The following YTHDC2 variants were observed in gnomAD, a reference collection of about 807,000 sequenced individuals.
YTHDC2 encodes the protein 3'-5' RNA helicase YTHDC2.
Under a neutral mutation model 174.9 loss-of-function variants are expected in YTHDC2, and 45 were observed. That is an observed-to-expected ratio of 0.26 (90% CI 0.20 to 0.33). The LOEUF (loss-of-function observed/expected upper bound fraction) is 0.33. YTHDC2 is among the 10% of genes least tolerant of loss of function. The pLI is 1.00. For missense variants in YTHDC2, 1,650 were observed against 1,723.7 expected (o/e 0.96, Z 0.76); for synonymous variants, 657 against 574.5 (o/e 1.14, Z -2.05).
At chr5:113,588,892 T>C (rs1778836126) in intron 26 of YTHDC2, among the ~76,000 whole-genome samples, 1 of 152,076 alleles carries the variant, frequency 6.6e-6, no homozygotes, top group Admixed American at 6.6e-5. Flanking sequence ...CCCAAAGTGC[T>C]GGGATTGCAC....
intron 5 of YTHDC2, 117 bp from the exon 6 acceptor site, chr5:113,534,188 G>A (rs1173846167): frequency 1.8e-5 from 13 of 741,420 alleles, no homozygotes; most frequent in African/African-American, 1.4e-4. Flanking sequence ...TGTACATACC[G>A]GTACACTATT....
At position 113,542,522 on chromosome 5, in the gene YTHDC2, T is replaced by A. The variant is rs1435365869; in HGVS notation, c.1495+19T>A. The A allele has an allele frequency of 2.5e-6, 4 of 1,584,048 alleles. No individual in the cohort carries two copies. The highest frequency in any genetic ancestry group is 1.2e-5 in the South Asian group (1 of 84,682). On this transcript the variant is annotated intron_variant, in intron 10 of 29. Coordinates refer to ENST00000161863, the MANE Select transcript of YTHDC2 (RefSeq NM_022828.5). Reference sequence around the variant, plus strand: ...GTTAGTGGTAAGTTTATTTTAATTTTAAAAAATTACCCTTACAGTTATTTA... The same window carrying A: ...GTTAGTGGTAAGTTTATTTTAATTTAAAAAAATTACCCTTACAGTTATTTA...
chr5:113,522,474 G>T (rs954075204), intron 2 of YTHDC2, among the ~76,000 whole-genome samples: 10 of 152,024 alleles, frequency 6.6e-5, no homozygotes, highest in Non-Finnish European at 1.0e-4. Context: ...GCTCTCAACT[G>T]TAATTTTATT....
intron 16 of YTHDC2, 67 bp from the exon 17 acceptor site, chr5:113,555,985 A>G (rs1776578846): frequency 5.4e-6 from 5 of 927,804 alleles, no homozygotes; most frequent in Non-Finnish European, 8.2e-6. Flanking sequence ...ATATGTTGAT[A>G]ACATTCTTGC....
At chr5:113,570,937 GC>G (rs1322971067) in intron 23 of YTHDC2, among the ~76,000 whole-genome samples, 1 of 152,160 alleles carries the variant, frequency 6.6e-6, no homozygotes, top group Non-Finnish European at 1.5e-5. Flanking sequence ...ATAGGCATGA[GC>G]CACTGCACCC....
chr5:113,594,947 G>A lies in YTHDC2; in HGVS notation c.*1473G>A, dbSNP rs1339143970. 2.6e-5 allele frequency: 4 copies of A among 151,926 alleles called. No individual in the cohort carries two copies. Among genetic ancestry groups the A allele is most frequent in the South Asian group, 2.1e-4 (1 of 4,824 alleles). 9.4% of individuals were successfully genotyped at this position (151,926 alleles called of 1,614,324 possible). A position where few individuals can be genotyped will look rare whatever the true frequency, so the allele number is the denominator to read the frequency against. On this transcript the variant is annotated 3_prime_UTR_variant, in exon 30 of 30. Transcript: ENST00000161863. Reference sequence around the variant, plus strand: ...CTATAGTTCTAGTTATTAGCTTTGGGGTTTTCTTGTACTTTAAGACATACC... The same window carrying A: ...CTATAGTTCTAGTTATTAGCTTTGGAGTTTTCTTGTACTTTAAGACATACC...
At chr5:113,514,151 C>G (rs910721568) in intron 1 of YTHDC2, 69 bp downstream of exon 1, 58 of 1,537,396 alleles carry the variant, frequency 3.8e-5, no homozygotes, top group Non-Finnish European at 4.8e-5. Context: ...CCCCAAACGG[C>G]GGCCCACCGA....
chr5:113,520,528 A>T (rs535685564), intron 2 of YTHDC2, among the ~76,000 whole-genome samples: 1 of 151,080 alleles, frequency 6.6e-6, no homozygotes, highest in African/African-American at 2.4e-5. Context: ...AATGAGAAGG[A>T]GTCAGCATTC....
chr5:113,584,151 T>C lies in YTHDC2; in HGVS notation c.3648-151T>C, dbSNP rs1778546245. ...CATAGACATCTATATTTCCTGACCT[T>C]AGTATTTTTAAATAATATTCCATAA... is the stretch of plus-strand genomic sequence containing the variant. On this transcript the variant is annotated intron_variant, in intron 25 of 29. Transcript: ENST00000161863. 21 of 606,882 alleles carry C rather than the reference T, an allele frequency of 3.5e-5. No homozygotes were observed. In the East Asian group the frequency reaches 6.1e-4, roughly 17 times the overall value. The allele number at this position is 606,882 out of a possible 1,614,324, so 37.6% of individuals were successfully genotyped here. A position where few individuals can be genotyped will look rare whatever the true frequency, so the allele number is the denominator to read the frequency against.
chr5:113,580,048 CTA>C, intron 24 of YTHDC2: 1 of 478,608 alleles, frequency 2.1e-6, no homozygotes, highest in Non-Finnish European at 2.7e-6. Context: ...ACCCTGCCTC[CTA>C]TAGAGTGGAG....
At chr5:113,538,356 T>C (rs1224715737) in intron 7 of YTHDC2, among the ~76,000 whole-genome samples, 1 of 152,134 alleles carries the variant, frequency 6.6e-6, no homozygotes, top group Non-Finnish European at 1.5e-5. Context: ...TTGAATGACT[T>C]TTACCTCAGG....
chr5:113,520,197 A>G (rs1039772924), intron 2 of YTHDC2, among the ~76,000 whole-genome samples: 2 of 152,278 alleles, frequency 1.3e-5, no homozygotes, highest in Admixed American at 1.3e-4. Flanking sequence ...GATGGTTTCC[A>G]GCTTCATCGA....
chr5:113,537,813 C>T (rs1775186019), intron 7 of YTHDC2, among the ~76,000 whole-genome samples: 1 of 152,058 alleles, frequency 6.6e-6, no homozygotes, highest in South Asian at 2.1e-4. Flanking sequence ...CTTTTCTCTT[C>T]TTGTGTTACC....
chr5:113,534,874 C>A (rs1212476852), intron 6 of YTHDC2, among the ~76,000 whole-genome samples: 1 of 151,990 alleles, frequency 6.6e-6, no homozygotes, highest in Non-Finnish European at 1.5e-5. Flanking sequence ...GAGTTTACCC[C>A]TTTGTTAAGG....
chr5:113,586,262 T>A (rs1778675577), intron 26 of YTHDC2, among the ~76,000 whole-genome samples: 1 of 152,030 alleles, frequency 6.6e-6, no homozygotes, highest in African/African-American at 2.4e-5. Context: ...TTACTAATGA[T>A]GTTGAGCATC....
chr5:113,590,112 C>T (rs976055959), intron 26 of YTHDC2, among the ~76,000 whole-genome samples: 2 of 152,128 alleles, frequency 1.3e-5, no homozygotes, highest in Admixed American at 1.3e-4. Flanking sequence ...TTCTCTTCAG[C>T]CTTAATTATG....
chr5:113,513,867 C>G lies in YTHDC2; in HGVS notation c.-29C>G. The G allele has an allele frequency of 6.4e-7, 1 of 1,569,884 alleles. No individual in the cohort carries two copies. The highest frequency in any genetic ancestry group is 8.6e-7 in the Non-Finnish European group (1 of 1,162,568). On this transcript the variant is annotated 5_prime_UTR_variant, in exon 1 of 30. Transcript: ENST00000161863. ...TGTCAGCTAGCAGGCCTGGCCGCTC[C>G]CGTGCGGAGAGACCATCTCTTCAGG...
At chr5:113,514,169 G>C in intron 1 of YTHDC2, 87 bp downstream of exon 1, 2 of 1,493,222 alleles carry the variant, frequency 1.3e-6, no homozygotes, top group Non-Finnish European at 1.8e-6. Flanking sequence ...CGAGTGATGG[G>C]GGTGCCTCCG....
At chr5:113,514,131 C>A in intron 1 of YTHDC2, 49 bp downstream of exon 1, 1 of 1,562,756 alleles carries the variant, frequency 6.4e-7, no homozygotes, top group Non-Finnish European at 8.6e-7. Context: ...ACCCCCCTCA[C>A]CCCAGCGCCC....
Sources: allele counts gnomAD v4.1 joint callset (sites outside exome capture counted in the v4.1 genomes callset), GRCh38; gene constraint gnomAD v4.1.1; transcripts MANE v1.5; gene names NCBI Gene and HGNC (gene_info 2026-07-23, HGNC 2026-07-21).